Variants in OXR1 observed in about 807,000 individuals in gnomAD.
OXR1 encodes oxidation resistance 1.
OXR1 carries 41 observed loss-of-function variants against 104.6 expected under a neutral mutation model. That is an observed-to-expected ratio of 0.39 (90% confidence interval 0.31 to 0.51). The LOEUF is 0.51. Ranked by LOEUF, OXR1 falls within the 20% of genes least tolerant of loss-of-function variation. The probability of loss-of-function intolerance (pLI) is 0.77; values close to 1 mark genes in which losing one functional copy is unlikely to be tolerated. For missense variants in OXR1, 955 were observed against 1,031.9 expected (o/e 0.93, Z 1.02); for synonymous variants, 348 against 348.4 (o/e 1.00, Z 0.01).
intron 2 of OXR1, among the ~76,000 whole-genome samples, chr8:106,487,021 C>CTT (rs11296936): frequency 3.5e-4 from 46 of 129,672 alleles, no homozygotes; most frequent in South Asian, 5.0e-4. Context: ...AATCCAGACA[C>CTT]TTTTTTTTTT....
chr8:106,620,670 C>A (rs1821628452), intron 3 of OXR1, among the ~76,000 whole-genome samples: 1 of 152,112 alleles, frequency 6.6e-6, no homozygotes, highest in African/African-American at 2.4e-5. Flanking sequence ...AAACTGAAGA[C>A]CCACATTCAA....
intron 2 of OXR1, among the ~76,000 whole-genome samples, chr8:106,485,617 T>C (rs1329068487): frequency 6.6e-6 from 1 of 152,122 alleles, no homozygotes; most frequent in Non-Finnish European, 1.5e-5. Context: ...ATCTCATTAC[T>C]AGGTATATAG....
chr8:106,413,088 G>T (rs1818525303), intron 2 of OXR1, among the ~76,000 whole-genome samples: 1 of 151,780 alleles, frequency 6.6e-6, no homozygotes, highest in Non-Finnish European at 1.5e-5. Flanking sequence ...TTTATACAAG[G>T]CTCAACATTG....
intron 2 of OXR1, among the ~76,000 whole-genome samples, chr8:106,483,267 C>T (rs1462184630): frequency 1.3e-5 from 2 of 151,966 alleles, no homozygotes; most frequent in East Asian, 1.9e-4. Flanking sequence ...AAAATGGCAA[C>T]TTTGTGAGGG....
intron 3 of OXR1, among the ~76,000 whole-genome samples, chr8:106,662,808 G>A (rs542781513): frequency 9.9e-5 from 15 of 151,890 alleles, no homozygotes; most frequent in African/African-American, 2.9e-4. Context: ...TGTTTTGCTT[G>A]GATTGGGGGT....
At chr8:106,396,815 T>C (rs539009749) in intron 2 of OXR1, among the ~76,000 whole-genome samples, 1 of 152,126 alleles carries the variant, frequency 6.6e-6, no homozygotes, top group Non-Finnish European at 1.5e-5. Flanking sequence ...TGTAAAGTGT[T>C]AATGTTAGGA....
At chr8:106,292,407 G>T (rs955128094) in intron 1 of OXR1, among the ~76,000 whole-genome samples, 1 of 152,120 alleles carries the variant, frequency 6.6e-6, no homozygotes, top group Admixed American at 6.5e-5. Context: ...TGTTAGTTTT[G>T]TGGTTGCACC....
chr8:106,451,162 G>A (rs1350107986), intron 2 of OXR1, among the ~76,000 whole-genome samples: 1 of 152,090 alleles, frequency 6.6e-6, no homozygotes, highest in Admixed American at 6.6e-5. Flanking sequence ...TGCTCTTGAG[G>A]TGAGGACAAG....
At chr8:106,509,502 A>G (rs1197314347) in intron 2 of OXR1, among the ~76,000 whole-genome samples, 5 of 152,214 alleles carry the variant, frequency 3.3e-5, no homozygotes, top group Non-Finnish European at 7.3e-5. Flanking sequence ...TTTCTAATCA[A>G]TAAAATTAAA....
chr8:106,512,976 G>A lies in OXR1; in HGVS notation c.24-5967G>A, dbSNP rs139669392. Among the ~76,000 whole-genome samples the A allele has an allele frequency of 1.3e-3, 200 of 152,230 alleles. 6 individuals carry two copies. The East Asian group carries it at 0.03, about 23-fold the overall frequency. ...AAAGCCACATTCAGTCACTGTTGGC[G>A]TTTGCCCTGGGCTTTGGGATGTACG... On this transcript the variant is annotated intron_variant, in intron 2 of 16. Transcript: ENST00000517566.
intron 1 of OXR1, among the ~76,000 whole-genome samples, chr8:106,355,907 C>G (rs1815947429): frequency 6.6e-6 from 1 of 152,002 alleles, no homozygotes; most frequent in South Asian, 2.1e-4. Flanking sequence ...AAACAATACC[C>G]TGTCAAAGAA....
At chr8:106,476,096 A>G (rs1214496042) in intron 2 of OXR1, among the ~76,000 whole-genome samples, 2 of 150,638 alleles carry the variant, frequency 1.3e-5, no homozygotes, top group African/African-American at 5.0e-5. Context: ...CATTCTCTTT[A>G]TCAGTTTTCT....
At chr8:106,680,211 T>G (rs1301785001) in intron 4 of OXR1, among the ~76,000 whole-genome samples, 1 of 152,062 alleles carries the variant, frequency 6.6e-6, no homozygotes. Flanking sequence ...GAAATAAAAT[T>G]TACTAATATC....
chr8:106,323,321 CT>C (rs1391186453), intron 1 of OXR1, among the ~76,000 whole-genome samples: 1 of 152,140 alleles, frequency 6.6e-6, no homozygotes, highest in Non-Finnish European at 1.5e-5. Context: ...GCTGGGATAA[CT>C]GGCTAGGCAT....
intron 2 of OXR1, among the ~76,000 whole-genome samples, chr8:106,510,524 T>G (rs1319317346): frequency 6.6e-6 from 1 of 152,208 alleles, no homozygotes; most frequent in Non-Finnish European, 1.5e-5. Flanking sequence ...TGTTAGCATT[T>G]ATTAAACTCT....
At chr8:106,574,432 T>TAGA (rs1817686014) in intron 3 of OXR1, among the ~76,000 whole-genome samples, 1 of 152,230 alleles carries the variant, frequency 6.6e-6, no homozygotes, top group African/African-American at 2.4e-5. Flanking sequence ...ACCCTCCTTG[T>TAGA]AGAAACATGA....
chr8:106,289,592 G>A (rs1812660993), intron 1 of OXR1, among the ~76,000 whole-genome samples: 1 of 152,152 alleles, frequency 6.6e-6, no homozygotes, highest in South Asian at 2.1e-4. Context: ...ACCGTCTAAA[G>A]CAATTTATAG....
rs190169030 is a variant in OXR1 at position 106,608,374 on chromosome 8, T to A, written c.221-70836T>A. Among the ~76,000 whole-genome samples the A allele has an allele frequency of 1.4e-4, 22 of 152,274 alleles. No homozygotes were observed. The East Asian group carries it at 4.3e-3, about 29-fold the overall frequency. Reference sequence around the variant, plus strand: ...TCAAGGCTTACCTGTGCTCATGTACTTTATGGGCAAATCTTTCAATGGCCT... The same window carrying A: ...TCAAGGCTTACCTGTGCTCATGTACATTATGGGCAAATCTTTCAATGGCCT... On this transcript the variant is annotated intron_variant, in intron 3 of 16. Transcript: ENST00000517566.
intron 2 of OXR1, among the ~76,000 whole-genome samples, chr8:106,499,225 T>A (rs1408599249): frequency 6.6e-6 from 1 of 152,144 alleles, no homozygotes; most frequent in Non-Finnish European, 1.5e-5. Flanking sequence ...TTATATCCTG[T>A]TTTCCTTGAC....
Sources: gnomAD v4.1 joint callset for allele counts (sites outside exome capture counted in the v4.1 genomes callset) on GRCh38, gnomAD v4.1.1 for gene constraint, MANE v1.5 for transcripts, NCBI Gene and HGNC (gene_info 2026-07-23, HGNC 2026-07-21) for gene names.